PDZD2: variants seen among roughly 807,000 people sequenced by gnomAD.
PDZD2 encodes PDZ domain containing 2, also known as PDZ domain-containing protein 2.
A neutral mutation model predicts 220.7 loss-of-function variants in PDZD2; 90 were observed. The observed-to-expected ratio is 0.41, with a 90% CI of 0.34 to 0.49. PDZD2 has a LOEUF of 0.49. Among genes scored for constraint, PDZD2 ranks in the 20% least tolerant of loss-of-function variants. PDZD2 has a pLI of 0.28. For missense variants in PDZD2, 3,174 were observed against 3,608.5 expected (o/e 0.88, Z 3.08); for synonymous variants, 1,375 against 1,450.5 (o/e 0.95, Z 1.18).
intron 5 of PDZD2, among the ~76,000 whole-genome samples, chr5:32,006,327 A>G (rs988188025): frequency 2.7e-5 from 4 of 150,722 alleles, no homozygotes; most frequent in Non-Finnish European, 4.4e-5. Flanking sequence ...GCATACTGTA[A>G]GAATCTTTCC....
intron 1 of PDZD2, among the ~76,000 whole-genome samples, chr5:31,784,470 G>A (rs59957211): frequency 2.6e-4 from 40 of 152,218 alleles, no homozygotes; most frequent in Non-Finnish European, 4.3e-4. Flanking sequence ...GTGGAGGATG[G>A]ACTGAAATCG....
chr5:32,025,494 C>G (rs1754566539), intron 6 of PDZD2, among the ~76,000 whole-genome samples: 1 of 147,612 alleles, frequency 6.8e-6, no homozygotes, highest in Non-Finnish European at 1.5e-5. Flanking sequence ...CATTGCACTC[C>G]AGCCTGGACA....
intron 1 of PDZD2, among the ~76,000 whole-genome samples, chr5:31,749,794 C>A (rs1750830062): frequency 6.6e-6 from 1 of 152,184 alleles, no homozygotes; most frequent in Non-Finnish European, 1.5e-5. Flanking sequence ...CCCAAGTGTT[C>A]CTGGGTTGCT....
At chr5:31,655,462 C>T (rs924673440) in intron 1 of PDZD2, among the ~76,000 whole-genome samples, 1 of 152,168 alleles carries the variant, frequency 6.6e-6, no homozygotes, top group Non-Finnish European at 1.5e-5. Context: ...CGAGCCACTG[C>T]GCCCGGCCTA....
At chr5:31,709,947 C>T (rs1174649078) in intron 1 of PDZD2, among the ~76,000 whole-genome samples, 1 of 152,160 alleles carries the variant, frequency 6.6e-6, no homozygotes, top group African/African-American at 2.4e-5. Flanking sequence ...CAGAGTGAGA[C>T]TCCATCTCAA....
In PDZD2 at chr5:31,654,005, C is replaced by T. The variant is rs575625180; in HGVS notation, c.-361+14568C>T. Among the ~76,000 whole-genome samples, 285 of 152,236 alleles carry T rather than the reference C, an allele frequency of 1.9e-3. 1 individual carries two copies. The highest frequency in any genetic ancestry group is 0.016 in the South Asian group (78 of 4,820). ...TTCACCGTGTTAGCCAGTATGGTCT[C>T]GATCTCCTGACCTTGTGATACGCCC... On this transcript the variant is annotated intron_variant, in intron 1 of 24. Coordinates refer to ENST00000438447, the MANE Select transcript of PDZD2 (RefSeq NM_178140.4).
At chr5:31,811,432 A>T (rs941389082) in intron 2 of PDZD2, among the ~76,000 whole-genome samples, 1 of 152,152 alleles carries the variant, frequency 6.6e-6, no homozygotes, top group African/African-American at 2.4e-5. Context: ...CTCTTTGTTC[A>T]CCAAAGGAAA....
At chr5:31,861,734 C>G (rs1737724075) in intron 2 of PDZD2, among the ~76,000 whole-genome samples, 1 of 152,156 alleles carries the variant, frequency 6.6e-6, no homozygotes, top group African/African-American at 2.4e-5. Flanking sequence ...GGTCTGCCTG[C>G]AGACTTGGTA....
Position 31,908,427 on chromosome 5 carries a change from C to G in PDZD2, c.477-74728C>G. 5.4e-6 allele frequency: 3 copies of G among 555,842 alleles called. No individual in the cohort carries two copies. The South Asian group carries it at 6.6e-5, about 12-fold the overall frequency. 34.4% of individuals were successfully genotyped at this position (555,842 alleles called of 1,614,324 possible). On this transcript the variant is annotated intron_variant, in intron 2 of 24. Coordinates refer to ENST00000438447, the MANE Select transcript of PDZD2 (RefSeq NM_178140.4). ...TTCACGAGATCCGGGAGATCTCAGA[C>G]TGGCTGTGCGTGGAAGTGGAGGCGA...
chr5:31,840,394 CAT>C (rs1263735394), intron 2 of PDZD2: 12 of 84,918 alleles, frequency 1.4e-4, no homozygotes, highest in African/African-American at 4.8e-4. Context: ...TAGTCATTTT[CAT>C]TATATATATA....
chr5:32,050,754 A>C (rs1284925693), intron 8 of PDZD2, among the ~76,000 whole-genome samples: 1 of 152,164 alleles, frequency 6.6e-6, no homozygotes, highest in Non-Finnish European at 1.5e-5. Context: ...CCAGGAGGTC[A>C]AGACTGCAGT....
At chr5:32,007,749 G>C (rs1752944990) in intron 5 of PDZD2, among the ~76,000 whole-genome samples, 1 of 151,384 alleles carries the variant, frequency 6.6e-6, no homozygotes, top group South Asian at 2.1e-4. Flanking sequence ...GCAAAGGACT[G>C]AGAGAACAGG....
intron 1 of PDZD2, among the ~76,000 whole-genome samples, chr5:31,644,386 G>T (rs970815910): frequency 3.9e-5 from 6 of 152,208 alleles, no homozygotes; most frequent in Admixed American, 2.0e-4. Context: ...TAGGTCATCT[G>T]ATTCAGTCTG....
rs1580633305 is a variant in PDZD2 at position 31,727,320 on chromosome 5, T to G, written c.-360-71569T>G. 2.0e-5 allele frequency among the ~76,000 whole-genome samples: 3 copies of G among 152,124 alleles called. No homozygotes were observed. In the South Asian group the frequency reaches 6.2e-4, roughly 32 times the overall value. On this transcript the variant is annotated intron_variant, in intron 1 of 24. Transcript: ENST00000438447. ...TGGTGAGATGCCTTTTGGGCCACTGTGAGAGTGGGGTTGGTTGAAATTCTT... is the reference window on the plus strand; with the variant it reads ...TGGTGAGATGCCTTTTGGGCCACTGGGAGAGTGGGGTTGGTTGAAATTCTT...
intron 7 of PDZD2, among the ~76,000 whole-genome samples, chr5:32,044,366 C>T (rs536956963): frequency 5.8e-4 from 88 of 152,144 alleles, no homozygotes; most frequent in Non-Finnish European, 1.1e-3. Context: ...AGCTTATAGT[C>T]CCAGTGGGAG....
chr5:32,065,690 A>G (rs1740146958), intron 14 of PDZD2, among the ~76,000 whole-genome samples: 1 of 152,224 alleles, frequency 6.6e-6, no homozygotes, highest in African/African-American at 2.4e-5. Context: ...CCCTATATGC[A>G]TCCTCAGAAA....
chr5:31,791,787 A>G (rs1753746553), intron 1 of PDZD2, among the ~76,000 whole-genome samples: 2 of 152,132 alleles, frequency 1.3e-5, no homozygotes, highest in African/African-American at 2.4e-5. Flanking sequence ...GCAACTTTCA[A>G]GTCCTTAACG....
At chr5:31,899,824 C>G (rs1278934986) in intron 2 of PDZD2, among the ~76,000 whole-genome samples, 2 of 152,144 alleles carry the variant, frequency 1.3e-5, no homozygotes, top group Non-Finnish European at 2.9e-5. Flanking sequence ...GCCCCTTCTA[C>G]CATGTAAGGA....
intron 2 of PDZD2, among the ~76,000 whole-genome samples, chr5:31,817,534 G>A (rs1755545082): frequency 6.6e-6 from 1 of 152,008 alleles, no homozygotes; most frequent in African/African-American, 2.4e-5. Context: ...GAAATTACTT[G>A]AAGCTATACT....
Sources: gnomAD v4.1 joint callset for allele counts (sites outside exome capture counted in the v4.1 genomes callset) on GRCh38, gnomAD v4.1.1 for gene constraint, MANE v1.5 for transcripts, NCBI Gene and HGNC (gene_info 2026-07-23, HGNC 2026-07-21) for gene names.